The following RAB38 variants were observed in gnomAD, a reference collection of about 807,000 sequenced individuals.
RAB38 encodes the protein ras-related protein Rab-38.
RAB38 carries 15 observed loss-of-function variants against 18.4 expected under a neutral mutation model. The observed-to-expected ratio is 0.82, with a 90% CI of 0.55 to 1.26. The LOEUF is 1.26. Among genes scored for constraint, RAB38 ranks in the 50% most tolerant of loss-of-function variants. The pLI, the probability that RAB38 is intolerant of heterozygous loss-of-function variation, is 0.00. For missense variants in RAB38, 294 were observed against 267.4 expected (o/e 1.10, Z -0.69); for synonymous variants, 101 against 104.4 (o/e 0.97, Z 0.20).
the RAB38 span, among the ~76,000 whole-genome samples, chr11:88,082,067 G>C: frequency 2.0e-5 from 3 of 151,810 alleles, no homozygotes; most frequent in African/African-American, 7.2e-5. Flanking sequence ...TAATTTCTAA[G>C]ACAAAAATCA....
At chr11:87,934,312 T>C in the RAB38 span, among the ~76,000 whole-genome samples, 4 of 152,160 alleles carry the variant, frequency 2.6e-5, no homozygotes, top group Non-Finnish European at 5.9e-5. Flanking sequence ...TTCAACTTGA[T>C]TCTTTCTAAC....
At chr11:87,814,852 G>A in the RAB38 span, among the ~76,000 whole-genome samples, 1 of 151,756 alleles carries the variant, frequency 6.6e-6, no homozygotes, top group African/African-American at 2.4e-5. Context: ...TCCTGCCTCA[G>A]CCTCCCGAGT....
At chr11:88,111,308 T>C (rs1461041578), downstream of RAB38, among the ~76,000 whole-genome samples, 3 of 152,030 alleles carry the variant, frequency 2.0e-5, no homozygotes, top group East Asian at 5.8e-4. Context: ...GACACACTAC[T>C]TTCTGCTCCA....
At chr11:87,817,186 A>G in the RAB38 span, 1 of 152,152 alleles carries the variant, frequency 6.6e-6, no homozygotes, top group Non-Finnish European at 1.5e-5. Context: ...AGGTATACAA[A>G]TCGGTAGTGT....
the RAB38 span, among the ~76,000 whole-genome samples, chr11:87,967,872 C>A: frequency 2.6e-5 from 4 of 152,136 alleles, no homozygotes; most frequent in East Asian, 3.9e-4. Flanking sequence ...AAATGCCCTG[C>A]GGTGGGTAGG....
the RAB38 span, among the ~76,000 whole-genome samples, chr11:87,878,944 C>A: frequency 6.8e-6 from 1 of 146,482 alleles, no homozygotes; most frequent in Non-Finnish European, 1.5e-5. Context: ...TCCTAGCTGG[C>A]TTCTCTAATT....
chr11:87,967,131 G>C, the RAB38 span, among the ~76,000 whole-genome samples: 2 of 152,100 alleles, frequency 1.3e-5, no homozygotes, highest in Non-Finnish European at 2.9e-5. Context: ...AATGTCATTG[G>C]ACTTCAACCT....
chr11:88,052,512 T>C, the RAB38 span, among the ~76,000 whole-genome samples: 1 of 152,160 alleles, frequency 6.6e-6, no homozygotes, highest in Admixed American at 6.5e-5. Flanking sequence ...CCTAGGTCTT[T>C]TTCACTCAAA....
chr11:87,857,150 G>A, the RAB38 span, among the ~76,000 whole-genome samples: 5 of 152,182 alleles, frequency 3.3e-5, no homozygotes, highest in East Asian at 9.7e-4. Flanking sequence ...TGCTGAGAAT[G>A]ATGGTTTCCA....
chr11:88,053,622 A>C, the RAB38 span, among the ~76,000 whole-genome samples: 135,407 of 151,320 alleles, frequency 0.89, 60,866 homozygotes, highest in African/African-American at 0.97. Context: ...TTCTCTCATA[A>C]TGGGAAATAA....
At chr11:88,048,658 A>C in the RAB38 span, among the ~76,000 whole-genome samples, 1 of 152,182 alleles carries the variant, frequency 6.6e-6, no homozygotes, top group Non-Finnish European at 1.5e-5. Flanking sequence ...TGCCCCAAAA[A>C]ACTTGTCATC....
the RAB38 span, among the ~76,000 whole-genome samples, chr11:88,099,712 G>C: frequency 6.6e-6 from 1 of 151,726 alleles, no homozygotes; most frequent in East Asian, 2.0e-4. Context: ...AGTGATATTT[G>C]ATATCCTCCT....
chr11:88,032,039 T>C, the RAB38 span, among the ~76,000 whole-genome samples: 5 of 150,220 alleles, frequency 3.3e-5, no homozygotes, highest in African/African-American at 9.8e-5. Flanking sequence ...GAGATATAGA[T>C]CAATGGAACA....
the RAB38 span, among the ~76,000 whole-genome samples, chr11:87,856,127 A>C: frequency 6.6e-6 from 1 of 152,152 alleles, no homozygotes; most frequent in Non-Finnish European, 1.5e-5. Context: ...AATTCTCCAA[A>C]TTTATATCAT....
the RAB38 span, among the ~76,000 whole-genome samples, chr11:87,935,368 A>G: frequency 6.6e-6 from 1 of 151,870 alleles, no homozygotes; most frequent in African/African-American, 2.4e-5. Flanking sequence ...ATTCAAAATT[A>G]TTATTTTCTA....
At chr11:87,872,022 A>G in the RAB38 span, among the ~76,000 whole-genome samples, 2 of 151,602 alleles carry the variant, frequency 1.3e-5, no homozygotes, top group South Asian at 2.1e-4. Flanking sequence ...CTCCAGAGTC[A>G]TAGGCTCAGC....
At chr11:88,165,989 G>C (rs1565221836) in intron 1 of RAB38, 1 of 152,008 alleles carries the variant, frequency 6.6e-6, no homozygotes, top group Non-Finnish European at 1.5e-5. Context: ...TACTGACAGA[G>C]AGAACTAGGA....
chr11:87,807,783 G>A, the RAB38 span, among the ~76,000 whole-genome samples: 1 of 152,110 alleles, frequency 6.6e-6, no homozygotes, highest in South Asian at 2.1e-4. Context: ...ATGTATGGCT[G>A]GTGCTGTTAT....
the RAB38 span, among the ~76,000 whole-genome samples, chr11:87,877,042 G>C: frequency 6.6e-6 from 1 of 151,532 alleles, no homozygotes; most frequent in Non-Finnish European, 1.5e-5. Context: ...AATATCATGA[G>C]AATATTCATG....
Sources: gnomAD v4.1 joint callset for allele counts (sites outside exome capture counted in the v4.1 genomes callset) on GRCh38, gnomAD v4.1.1 for gene constraint, MANE v1.5 for transcripts, NCBI Gene and HGNC (gene_info 2026-07-23, HGNC 2026-07-21) for gene names.